Variants in CAMSAP1 observed in about 807,000 individuals in gnomAD.
CAMSAP1 encodes the protein calmodulin-regulated spectrin-associated protein 1.
CAMSAP1 carries 58 observed loss-of-function variants against 143.5 expected under a neutral mutation model. The ratio of observed to expected loss-of-function variants is 0.40; its 90% CI spans 0.33 to 0.50. The LOEUF (loss-of-function observed/expected upper bound fraction) is 0.50. Ranked by LOEUF, CAMSAP1 falls within the 20% of genes least tolerant of loss-of-function variation. The probability of loss-of-function intolerance (pLI) is 0.45; values close to 1 mark genes in which losing one functional copy is unlikely to be tolerated. For synonymous variants in CAMSAP1, 945 were observed against 859.3 expected (o/e 1.10, Z -1.74); for missense variants, 1,969 against 2,115.7 (o/e 0.93, Z 1.36).
rs936876555 is a variant in CAMSAP1, at chr9:135,882,255, C to T, written c.424-461G>A. Among the ~76,000 whole-genome samples the T allele has an allele frequency of 1.3e-5, 2 of 152,096 alleles. No homozygotes were observed. Among genetic ancestry groups the T allele is most frequent in the African/African-American group, 2.4e-5 (1 of 41,430 alleles). ...CACGCCTTAGTGCAGCTTCCTCATTCGACAGGAATGACACTCTCTTCAACC... is the reference window on the plus strand; with the variant it reads ...CACGCCTTAGTGCAGCTTCCTCATTTGACAGGAATGACACTCTCTTCAACC... On this transcript the variant is annotated intron_variant, in intron 2 of 16. Transcript: ENST00000389532. The surrounding 1 kb of genome is among the most constrained non-coding windows in gnomAD (Gnocchi z 4.9).
chr9:135,823,971 G>C lies in CAMSAP1; in HGVS notation c.1379C>G (p.Ala460Gly). The C allele has an allele frequency of 6.3e-7, 1 of 1,585,642 alleles. No homozygotes were observed. Among genetic ancestry groups the C allele is most frequent in the East Asian group, 2.3e-5 (1 of 43,894 alleles). The change falls in exon 10 of 17, where the codon GCC (alanine) becomes GGC (glycine). Residue 460 changes from alanine to glycine, a missense_variant. Physicochemically the swap from Ala to Gly is moderately conservative, Grantham distance 60 (BLOSUM62 0). This residue lies in a region of CAMSAP1 where 1,390 missense variants were observed against 1,420.8 expected (regional missense o/e 0.98). Coordinates refer to ENST00000389532, the MANE Select transcript of CAMSAP1 (RefSeq NM_015447.4). ...VDGQPRGAAI[A>G]WPEKKTRPAS... ...TCACCTGGTTTTTTTTTCTGGCCAG[G>C]CTATTGCTGCTCCTCGAGGCTGACC...
chr9:135,817,778 G>A, intron 14 of CAMSAP1, 199 bp downstream of exon 14: 4 of 565,562 alleles, frequency 7.1e-6, no homozygotes, highest in Non-Finnish European at 9.5e-6. Context: ...GGTGAAGGCT[G>A]CCACGTTTAA....
chr9:135,843,126 G>A (rs1411114498), intron 7 of CAMSAP1, among the ~76,000 whole-genome samples: 1 of 152,110 alleles, frequency 6.6e-6, no homozygotes, highest in Admixed American at 6.6e-5. Context: ...TCGGGAGTTC[G>A]AGACCAGCCT....
rs906500817 is a variant in CAMSAP1, at chr9:135,907,441, G to A, written c.-282C>T. ...CGGGCCGGGGGCGGGGGCGGGCGCG[G>A]GGGCGGGAGCGGGCCGGGGGCGGTG... On this transcript the variant is annotated 5_prime_UTR_variant, in exon 1 of 17. Coordinates refer to ENST00000389532, the MANE Select transcript of CAMSAP1 (RefSeq NM_015447.4). Among the ~76,000 whole-genome samples the A allele has an allele frequency of 3.4e-5, 5 of 146,074 alleles. No homozygotes were observed. The highest frequency in any genetic ancestry group is 6.1e-5 in the Non-Finnish European group (4 of 65,742).
intron 1 of CAMSAP1, among the ~76,000 whole-genome samples, chr9:135,887,192 C>T (rs1404371647): frequency 1.3e-5 from 2 of 152,112 alleles, no homozygotes; most frequent in Non-Finnish European, 2.9e-5. Context: ...GGACAGATGT[C>T]GGGAGAGAAG....
At position 135,883,023 on chromosome 9, in the gene CAMSAP1, C is replaced by T. The variant is rs1456369401; in HGVS notation, c.216G>A (p.Glu72=). ...GCTTGATAACAGGCGGCTTAATGTG[C>T]TCCTGCTCATACTGGTCAACGTAGA... is the stretch of plus-strand genomic sequence containing the variant. ...DPFYVDQYEQ[E]HIKPPVIKLL... The change falls in exon 2 of 17, where the codon GAG becomes GAA. Residue 72 remains glutamate, a synonymous_variant. Transcript: ENST00000389532. 6 of 1,551,590 alleles carry T rather than the reference C, an allele frequency of 3.9e-6. No individual in the cohort carries two copies. In the Admixed American group the frequency reaches 1.2e-4, roughly 30 times the overall value.
intron 1 of CAMSAP1, among the ~76,000 whole-genome samples, chr9:135,899,673 T>C (rs1838559921): frequency 6.6e-6 from 1 of 152,102 alleles, no homozygotes; most frequent in South Asian, 2.1e-4. Context: ...CTGCAGCCAC[T>C]ACCCCCATGA....
chr9:135,845,570 T>C (rs1247814600), intron 7 of CAMSAP1, among the ~76,000 whole-genome samples: 1 of 152,180 alleles, frequency 6.6e-6, no homozygotes, highest in Non-Finnish European at 1.5e-5. Context: ...AGAAAGGAAG[T>C]CAAATTGTCT....
chr9:135,897,544 A>T (rs1374700384), intron 1 of CAMSAP1, among the ~76,000 whole-genome samples: 3 of 152,198 alleles, frequency 2.0e-5, no homozygotes, highest in Admixed American at 6.5e-5. Flanking sequence ...GAGTTGAATG[A>T]CATTAGGCAT....
chr9:135,848,538 C>T (rs1395799183), intron 7 of CAMSAP1, among the ~76,000 whole-genome samples: 1 of 152,100 alleles, frequency 6.6e-6, no homozygotes, highest in Admixed American at 6.5e-5. Context: ...CACATGCACA[C>T]ACACGCATGC....
chr9:135,842,708 T>C (rs1195145943), intron 7 of CAMSAP1, among the ~76,000 whole-genome samples: 1 of 152,202 alleles, frequency 6.6e-6, no homozygotes, highest in Non-Finnish European at 1.5e-5. Context: ...AAGAAAAGAA[T>C]TTTCAACCCA....
rs138028034 is a variant in CAMSAP1 at position 135,898,373 on chromosome 9, G to C, written c.160+8627C>G. Among the ~76,000 whole-genome samples, 380 of 152,284 alleles carry C rather than the reference G, an allele frequency of 2.5e-3. 2 individuals are homozygous for C. Among genetic ancestry groups the C allele is most frequent in the African/African-American group, 8.8e-3 (367 of 41,556 alleles). ...CAACTGTCTCCAACTGGCCAGGCGT[G>C]GTGGCTCCCGCCTGTAATCCTAGCA... On this transcript the variant is annotated intron_variant, in intron 1 of 16. Coordinates refer to ENST00000389532, the MANE Select transcript of CAMSAP1 (RefSeq NM_015447.4).
rs773535330 is a variant in CAMSAP1 at position 135,822,729 on chromosome 9, G to A, written c.1932C>T (p.Arg644=). Residue 644 remains arginine (R), a synonymous_variant, in exon 11 of 17, where the codon CGC becomes CGT. Coordinates refer to ENST00000389532, the MANE Select transcript of CAMSAP1 (RefSeq NM_015447.4). The surrounding 1 kb of genome is among the most constrained non-coding windows in gnomAD (Gnocchi z 6.1). ...PLVRRKMTGS[R]DLNRTFTPIP... ...TCGGGGTAAAAGTCCTATTCAAGTCGCGACTGCCAGTCATTTTCCTTCGTA... is the reference window on the plus strand; with the variant it reads ...TCGGGGTAAAAGTCCTATTCAAGTCACGACTGCCAGTCATTTTCCTTCGTA... The A allele has an allele frequency of 1.4e-5, 23 of 1,612,412 alleles. No individual in the cohort carries two copies. The highest frequency in any genetic ancestry group is 3.3e-5 in the South Asian group (3 of 90,976).
chr9:135,890,077 T>C (rs1485865508), intron 1 of CAMSAP1, among the ~76,000 whole-genome samples: 1 of 152,094 alleles, frequency 6.6e-6, no homozygotes, highest in Non-Finnish European at 1.5e-5. Flanking sequence ...CCAGGCACGG[T>C]GGACCCTGTG....
intron 16 of CAMSAP1, among the ~76,000 whole-genome samples, chr9:135,814,010 T>C (rs1221192030): frequency 6.6e-6 from 1 of 152,174 alleles, no homozygotes; most frequent in Non-Finnish European, 1.5e-5. Context: ...GGAATAAATC[T>C]AAGCCCTGGG....
rs200523020 is a variant in CAMSAP1, at chr9:135,879,174, CAA to C, written c.585+2457_585+2458del. On this transcript the variant is annotated intron_variant, in intron 3 of 16. Transcript: ENST00000389532. ...ATCCTACCTCAGTAGATCATGTCCA[CAA>C]ATGAGGAGTCAGGAGCCGGAAATAC... Among the ~76,000 whole-genome samples, 49 of 152,138 alleles carry C rather than the reference CAA, an allele frequency of 3.2e-4. 2 individuals carry two copies. In the East Asian group the frequency reaches 9.3e-3, roughly 29 times the overall value.
At chr9:135,887,171 C>G (rs771791727) in intron 1 of CAMSAP1, among the ~76,000 whole-genome samples, 3 of 152,168 alleles carry the variant, frequency 2.0e-5, no homozygotes, top group African/African-American at 7.2e-5. Context: ...CCTGAGGACA[C>G]CAAGCCCACG....
Position 135,850,223 on chromosome 9 carries a change from A to C in CAMSAP1, c.959T>G (p.Met320Arg). 1 of 1,613,284 alleles carries C rather than the reference A, an allele frequency of 6.2e-7. No homozygotes were observed. Among genetic ancestry groups the C allele is most frequent in the Non-Finnish European group, 8.5e-7 (1 of 1,179,628 alleles). The change falls in exon 7 of 17, where the codon ATG becomes AGG. Residue 320 changes from methionine (M) to arginine (R), a missense_variant. Around this residue, in one of 4 missense-constraint regions of CAMSAP1, gnomAD observed 221 missense variants for 298.2 expected, o/e 0.74. Coordinates refer to ENST00000389532, the MANE Select transcript of CAMSAP1 (RefSeq NM_015447.4). ...CCAAAAAAGCTCCGCAATAAAAACC[A>C]TAACATTCGGCTAAAAGACAAAAAC... ...YAPLVLKPNVMVFIAELFWWF... is the reference protein window; with the variant it reads ...YAPLVLKPNVRVFIAELFWWF...
chr9:135,831,224 A>G (rs2131684145), intron 7 of CAMSAP1, among the ~76,000 whole-genome samples: 1 of 152,354 alleles, frequency 6.6e-6, no homozygotes, highest in Middle Eastern at 3.4e-3. Context: ...AAACTAAACA[A>G]CACATTCTTA....
Sources: allele counts gnomAD v4.1 joint callset (sites outside exome capture counted in the v4.1 genomes callset), GRCh38; gene constraint gnomAD v4.1.1; regional missense constraint gnomAD v4.1.1; non-coding constraint Gnocchi (gnomAD v3.1); transcripts MANE v1.5; gene names NCBI Gene and HGNC (gene_info 2026-07-23, HGNC 2026-07-21).